Variants in PCDH9 observed in about 807,000 individuals in gnomAD.
PCDH9 encodes protocadherin 9, also known as protocadherin-9.
Under a neutral mutation model 70.6 loss-of-function variants are expected in PCDH9, and 24 were observed. The ratio of observed to expected loss-of-function variants is 0.34; its 90% CI spans 0.25 to 0.48. The LOEUF (loss-of-function observed/expected upper bound fraction) is 0.48, where lower values mean the gene tolerates loss of function less well. Ranked by LOEUF, PCDH9 falls within the 20% of genes least tolerant of loss-of-function variation. The pLI is 0.99. For missense variants in PCDH9, 1,281 were observed against 1,503.6 expected (o/e 0.85, Z 2.45); for synonymous variants, 562 against 558.5 (o/e 1.01, Z -0.09).
chr13:66,474,256 C>T (rs1270423294), intron 4 of PCDH9, among the ~76,000 whole-genome samples: 1 of 152,148 alleles, frequency 6.6e-6, no homozygotes, highest in Non-Finnish European at 1.5e-5. Flanking sequence ...ACACAGAACA[C>T]AAAGACTGTC....
At chr13:66,637,612 G>A (rs2077655556) in intron 3 of PCDH9, among the ~76,000 whole-genome samples, 1 of 152,080 alleles carries the variant, frequency 6.6e-6, no homozygotes, top group African/African-American at 2.4e-5. Context: ...GTGGGAAATT[G>A]TTTAGAAATT....
chr13:67,120,750 T>G (rs936649083), intron 2 of PCDH9, among the ~76,000 whole-genome samples: 1 of 152,152 alleles, frequency 6.6e-6, no homozygotes, highest in African/African-American at 2.4e-5. Context: ...CTTTAAATAC[T>G]TGCTGAAATA....
intron 4 of PCDH9, among the ~76,000 whole-genome samples, chr13:66,517,596 A>G (rs1959797261): frequency 6.7e-6 from 1 of 148,978 alleles, no homozygotes. Context: ...AGCATTAAAG[A>G]AAAAACGTGT....
intron 3 of PCDH9, among the ~76,000 whole-genome samples, chr13:66,844,456 G>A (rs571330683): frequency 4.6e-5 from 7 of 151,884 alleles, no homozygotes; most frequent in Admixed American, 4.6e-4. Context: ...ATGGTGGGGG[G>A]TGCCTGCAAT....
chr13:66,356,133 TA>T (rs1279762783), intron 4 of PCDH9, among the ~76,000 whole-genome samples: 3 of 152,114 alleles, frequency 2.0e-5, no homozygotes, highest in Admixed American at 2.0e-4. Flanking sequence ...CATTTACTAA[TA>T]AAAATCAATT....
At chr13:66,861,182 C>T (rs536030113) in intron 3 of PCDH9, among the ~76,000 whole-genome samples, 1 of 152,276 alleles carries the variant, frequency 6.6e-6, no homozygotes, top group Non-Finnish European at 1.5e-5. Context: ...AGATAGTACT[C>T]TTGTGACCCA....
intron 4 of PCDH9, among the ~76,000 whole-genome samples, chr13:66,353,631 A>G (rs1956329693): frequency 6.6e-6 from 1 of 152,012 alleles, no homozygotes; most frequent in Non-Finnish European, 1.5e-5. Flanking sequence ...TATATAGCTG[A>G]TTACCTTTTA....
intron 3 of PCDH9, among the ~76,000 whole-genome samples, chr13:66,662,036 TG>T (rs2078015685): frequency 4.4e-5 from 5 of 113,582 alleles, no homozygotes; most frequent in African/African-American, 1.8e-4. Context: ...TTATCCTTTG[TG>T]AGTATGTGTG....
intron 2 of PCDH9, among the ~76,000 whole-genome samples, chr13:66,944,882 C>A (rs2083064614): frequency 6.7e-6 from 1 of 149,930 alleles, no homozygotes; most frequent in Admixed American, 6.6e-5. Flanking sequence ...CTCCCACACT[C>A]CAATTTAAGA....
chr13:66,699,278 A>G (rs1462760422), intron 3 of PCDH9, among the ~76,000 whole-genome samples: 1 of 152,104 alleles, frequency 6.6e-6, no homozygotes, highest in African/African-American at 2.4e-5. Context: ...GAGACTAGAA[A>G]TCATGTGACA....
chr13:66,627,451 G>A (rs1321729034), intron 4 of PCDH9, among the ~76,000 whole-genome samples: 3 of 152,134 alleles, frequency 2.0e-5, no homozygotes, highest in Non-Finnish European at 1.5e-5. Context: ...ATCCTAATAT[G>A]AATGAACATT....
intron 2 of PCDH9, among the ~76,000 whole-genome samples, chr13:66,964,334 C>T (rs1056306289): frequency 3.3e-5 from 5 of 151,512 alleles, no homozygotes; most frequent in African/African-American, 4.8e-5. Flanking sequence ...CAAAACAAAT[C>T]TAATGGTATT....
rs373170120 is a variant in PCDH9, at chr13:66,763,103, C to A, written c.3139-131692G>T. Among the ~76,000 whole-genome samples the A allele has an allele frequency of 3.9e-4, 60 of 151,914 alleles. No individual in the cohort carries two copies. In the South Asian group the frequency reaches 0.012, roughly 31 times the overall value. Reference sequence around the variant, plus strand: ...GCTTCAGCCTTCCAAGTAGCTGGAACTATGGGTTCCCAGCTAAGACTACTT... The same window carrying A: ...GCTTCAGCCTTCCAAGTAGCTGGAAATATGGGTTCCCAGCTAAGACTACTT... On this transcript the variant is annotated intron_variant, in intron 3 of 4. Coordinates refer to ENST00000377865, the MANE Select transcript of PCDH9 (RefSeq NM_203487.3).
intron 4 of PCDH9, among the ~76,000 whole-genome samples, chr13:66,521,507 T>A (rs923888788): frequency 1.3e-5 from 2 of 152,262 alleles, no homozygotes; most frequent in Middle Eastern, 6.8e-3. Context: ...TTCAATTTTA[T>A]GAAAACTGTC....
chr13:66,443,682 C>G (rs1731307779), intron 4 of PCDH9, among the ~76,000 whole-genome samples: 1 of 151,710 alleles, frequency 6.6e-6, no homozygotes, highest in African/African-American at 2.4e-5. Flanking sequence ...GTCTTCAGTT[C>G]TTGGTAACAT....
chr13:66,570,811 G>T (rs1339784686), intron 4 of PCDH9, among the ~76,000 whole-genome samples: 2 of 151,990 alleles, frequency 1.3e-5, no homozygotes, highest in African/African-American at 4.8e-5. Context: ...TTTAAAAAAG[G>T]TATTTATTTC....
intron 2 of PCDH9, among the ~76,000 whole-genome samples, chr13:67,008,422 T>C (rs2084393609): frequency 6.6e-6 from 1 of 152,152 alleles, no homozygotes; most frequent in Non-Finnish European, 1.5e-5. Flanking sequence ...TGTAATTATA[T>C]ATTGTTTTGT....
chr13:66,641,980 G>A (rs1395688346), intron 3 of PCDH9, among the ~76,000 whole-genome samples: 1 of 152,020 alleles, frequency 6.6e-6, no homozygotes, highest in African/African-American at 2.4e-5. Context: ...ATTTTGATTA[G>A]AAATGTGTAA....
At chr13:66,663,754 C>G (rs1264246832) in intron 3 of PCDH9, among the ~76,000 whole-genome samples, 1 of 152,184 alleles carries the variant, frequency 6.6e-6, no homozygotes, top group African/African-American at 2.4e-5. Context: ...CAGATTTACT[C>G]TGTAATTCAT....
Sources: gnomAD v4.1 joint callset for allele counts (sites outside exome capture counted in the v4.1 genomes callset) on GRCh38, gnomAD v4.1.1 for gene constraint, MANE v1.5 for transcripts, NCBI Gene and HGNC (gene_info 2026-07-23, HGNC 2026-07-21) for gene names.